The following TENM3 variants were observed in gnomAD, a reference collection of about 807,000 sequenced individuals.
TENM3 encodes teneurin-3.
A neutral mutation model predicts 255.1 loss-of-function variants in TENM3; 63 were observed. The ratio of observed to expected loss-of-function variants is 0.25; its 90% CI spans 0.20 to 0.30. The LOEUF is 0.30. TENM3 is among the 10% of genes least tolerant of loss of function. The pLI, the probability that TENM3 is intolerant of heterozygous loss-of-function variation, is 1.00. For synonymous variants in TENM3, 1,306 were observed against 1,322.3 expected (o/e 0.99, Z 0.27); for missense variants, 2,929 against 3,461.1 (o/e 0.85, Z 3.86).
chr4:181,678,463 T>A, the TENM3 span, among the ~76,000 whole-genome samples: 3 of 152,046 alleles, frequency 2.0e-5, no homozygotes, highest in Admixed American at 2.0e-4. Flanking sequence ...GGCAATTTTG[T>A]ATCTGTCCTT....
chr4:181,533,552 C>T, the TENM3 span, among the ~76,000 whole-genome samples: 70 of 152,198 alleles, frequency 4.6e-4, no homozygotes, highest in Non-Finnish European at 9.6e-4. Flanking sequence ...AAGCCCCCAA[C>T]ACCCGTTATT....
chr4:182,092,419 G>C, the TENM3 span, among the ~76,000 whole-genome samples: 6 of 152,206 alleles, frequency 3.9e-5, no homozygotes, highest in South Asian at 2.1e-4. Flanking sequence ...AGGCCAAGGT[G>C]GGGGGATTGC....
At chr4:182,310,433 G>T (rs1173675804) in intron 1 of TENM3, among the ~76,000 whole-genome samples, 1 of 152,144 alleles carries the variant, frequency 6.6e-6, no homozygotes, top group Admixed American at 6.5e-5. Flanking sequence ...CAGGAGGCAG[G>T]CTTTCTCCAA....
At chr4:181,847,949 G>A in the TENM3 span, among the ~76,000 whole-genome samples, 14 of 152,252 alleles carry the variant, frequency 9.2e-5, no homozygotes, top group South Asian at 4.1e-4. Context: ...CACAATGTCG[G>A]TCCTTGTTTA....
At chr4:182,200,582 T>C (rs1463984234) in intron 1 of TENM3, among the ~76,000 whole-genome samples, 1 of 152,224 alleles carries the variant, frequency 6.6e-6, no homozygotes, top group Non-Finnish European at 1.5e-5. Flanking sequence ...AGTTATTCTC[T>C]ACAGAAGGAT....
the TENM3 span, among the ~76,000 whole-genome samples, chr4:181,594,333 A>G: frequency 6.6e-6 from 1 of 152,226 alleles, no homozygotes; most frequent in South Asian, 2.1e-4. Flanking sequence ...TTAAATAGCT[A>G]ACACTTTTTA....
intron 3 of TENM3, among the ~76,000 whole-genome samples, chr4:182,392,858 A>C (rs188444699): frequency 0.015 from 2,350 of 152,296 alleles, 29 homozygotes; most frequent in Non-Finnish European, 0.022. Flanking sequence ...GCTATTTTTT[A>C]ATGAAGTTTA....
At chr4:181,585,388 C>T in the TENM3 span, among the ~76,000 whole-genome samples, 11 of 152,106 alleles carry the variant, frequency 7.2e-5, no homozygotes, top group African/African-American at 1.2e-4. Context: ...GTACATTCAT[C>T]GGTCAGGAAA....
chr4:182,242,926 G>A (rs1421538389), upstream of TENM3, among the ~76,000 whole-genome samples: 3 of 152,170 alleles, frequency 2.0e-5, no homozygotes, highest in South Asian at 2.1e-4. Flanking sequence ...TATTAGAAGC[G>A]GAGGCTAAGA....
At chr4:182,262,962 C>T (rs2150172325) in intron 1 of TENM3, among the ~76,000 whole-genome samples, 1 of 152,202 alleles carries the variant, frequency 6.6e-6, no homozygotes, top group East Asian at 1.9e-4. Context: ...ATCCGCCTGC[C>T]TCGGCCTCCC....
At chr4:181,971,064 C>T in the TENM3 span, among the ~76,000 whole-genome samples, 1 of 152,154 alleles carries the variant, frequency 6.6e-6, no homozygotes, top group Non-Finnish European at 1.5e-5. Flanking sequence ...CCTCCCGCCT[C>T]GAGCTCCCAA....
rs182092473 is a variant in TENM3, at chr4:182,802,951, T to A, written c.*2600T>A. 1 of 152,812 alleles carries A rather than the reference T, an allele frequency of 6.5e-6. No homozygotes were observed. The highest frequency in any genetic ancestry group is 1.5e-5 in the Non-Finnish European group (1 of 68,044). 9.5% of individuals were successfully genotyped at this position (152,812 alleles called of 1,614,324 possible). A position where few individuals can be genotyped will look rare whatever the true frequency, so the allele number is the denominator to read the frequency against. ...TTTCATTTGCCTTCTTAACTTTATATGTGACCTGAATTTTCCATAACTTGA... is the reference window on the plus strand; with the variant it reads ...TTTCATTTGCCTTCTTAACTTTATAAGTGACCTGAATTTTCCATAACTTGA... On this transcript the variant is annotated 3_prime_UTR_variant, in exon 28 of 28. Coordinates refer to ENST00000511685, the MANE Select transcript of TENM3 (RefSeq NM_001080477.4).
intron 3 of TENM3, among the ~76,000 whole-genome samples, chr4:182,547,745 G>A (rs927871993): frequency 6.6e-6 from 1 of 152,092 alleles, no homozygotes; most frequent in African/African-American, 2.4e-5. Flanking sequence ...CTATCTTTTT[G>A]TGTCATGTAA....
the TENM3 span, among the ~76,000 whole-genome samples, chr4:181,854,313 C>T: frequency 1.3e-5 from 2 of 152,170 alleles, no homozygotes; most frequent in Non-Finnish European, 2.9e-5. Flanking sequence ...ACTTCATCTG[C>T]TGTTCATGAA....
chr4:181,504,893 T>A, the TENM3 span, among the ~76,000 whole-genome samples: 54 of 152,280 alleles, frequency 3.5e-4, no homozygotes, highest in African/African-American at 1.2e-3. Context: ...AATAACATCA[T>A]AAATTTGTTT....
At chr4:181,767,737 T>G in the TENM3 span, among the ~76,000 whole-genome samples, 5 of 152,134 alleles carry the variant, frequency 3.3e-5, no homozygotes, top group Non-Finnish European at 7.4e-5. Context: ...TGGGAAATAT[T>G]GGTCTATGAA....
rs72997394 is a variant in TENM3 at position 182,449,741 on chromosome 4, G to A, written c.511+102812G>A. 2.6e-3 allele frequency among the ~76,000 whole-genome samples: 397 copies of A among 152,314 alleles called. 2 individuals carry two copies. Among genetic ancestry groups the A allele is most frequent in the African/African-American group, 9.1e-3 (379 of 41,568 alleles). On this transcript the variant is annotated intron_variant, in intron 3 of 27. Transcript: ENST00000511685. ...GAGCAGTCTTTTGCCTGCGAAATAC[G>A]TAGTGTGATTTTTGTCAGGTTTAAT...
chr4:181,940,398 C>T, the TENM3 span, among the ~76,000 whole-genome samples: 1 of 152,120 alleles, frequency 6.6e-6, no homozygotes, highest in Non-Finnish European at 1.5e-5. Context: ...CTGATTCAAT[C>T]AGTTATCTAT....
chr4:182,389,272 A>C (rs866556843), intron 3 of TENM3, among the ~76,000 whole-genome samples: 1 of 151,948 alleles, frequency 6.6e-6, no homozygotes, highest in African/African-American at 2.4e-5. Context: ...TGCCCTTTCC[A>C]CCTGCCCTAC....
Sources: gnomAD v4.1 joint callset for allele counts (sites outside exome capture counted in the v4.1 genomes callset) on GRCh38, gnomAD v4.1.1 for gene constraint, MANE v1.5 for transcripts, NCBI Gene and HGNC (gene_info 2026-07-23, HGNC 2026-07-21) for gene names.